The following ANKRD33B variants were observed in gnomAD, a reference collection of about 807,000 sequenced individuals.
The protein encoded by ANKRD33B is ankyrin repeat domain 33B, also known as ankyrin repeat domain-containing protein 33B.
ANKRD33B carries 6 observed loss-of-function variants against 21.5 expected under a neutral mutation model. That is an observed-to-expected ratio of 0.28 (90% CI 0.15 to 0.55). ANKRD33B has a LOEUF of 0.55. Ranked by LOEUF, ANKRD33B falls within the 20% of genes least tolerant of loss-of-function variation. The pLI is 0.94. For synonymous variants in ANKRD33B, 347 were observed against 342.4 expected, an observed-to-expected ratio of 1.01 and a Z score of -0.15; for missense variants, 698 against 747.2, an observed-to-expected ratio of 0.93 and a Z score of 0.77.
chr5:10,638,251 C>A, intron 3 of ANKRD33B, 83 bp downstream of exon 3: 1 of 1,455,724 alleles, frequency 6.9e-7, no homozygotes, highest in Non-Finnish European at 9.1e-7. Context: ...TGAGATTAAT[C>A]ACTCCCATAG....
intron 1 of ANKRD33B, among the ~76,000 whole-genome samples, chr5:10,580,038 A>G (rs913074204): frequency 5.3e-5 from 8 of 151,750 alleles, no homozygotes; most frequent in Non-Finnish European, 1.2e-4. Context: ...GCCTGTTTAC[A>G]TGATTTATGG....
intron 1 of ANKRD33B, among the ~76,000 whole-genome samples, chr5:10,575,228 T>C (rs1377931511): frequency 6.6e-6 from 1 of 151,688 alleles, no homozygotes; most frequent in Non-Finnish European, 1.5e-5. Context: ...ATCAAGACCG[T>C]CCTGGCCAAC....
At chr5:10,631,713 C>T (rs1463190295) in intron 2 of ANKRD33B, among the ~76,000 whole-genome samples, 1 of 152,204 alleles carries the variant, frequency 6.6e-6, no homozygotes, top group Non-Finnish European at 1.5e-5. Context: ...AATCGAGCTC[C>T]GTGCCTCTCC....
intron 1 of ANKRD33B, among the ~76,000 whole-genome samples, chr5:10,587,312 A>T (rs1735587579): frequency 6.6e-6 from 1 of 151,996 alleles, no homozygotes; most frequent in Non-Finnish European, 1.5e-5. Context: ...TGTTGGCCAG[A>T]CATGTCTTGA....
chr5:10,657,141 T>G lies in ANKRD33B; in HGVS notation c.*7028T>G, dbSNP rs1479981043. On this transcript the variant is annotated 3_prime_UTR_variant, in exon 4 of 4. Coordinates refer to ENST00000296657, the MANE Select transcript of ANKRD33B (RefSeq NM_001164440.2). ...ACTACACAGCTATGGATACACCTGA[T>G]GAAAACCGCAAAAGGCGATGACAGG... is the stretch of plus-strand genomic sequence containing the variant. 6.6e-6 allele frequency: 1 copy of G among 152,382 alleles called. No individual in the cohort carries two copies. Among genetic ancestry groups the G allele is most frequent in the African/African-American group, 2.4e-5 (1 of 41,464 alleles). 9.4% of individuals were successfully genotyped at this position (152,382 alleles called of 1,614,324 possible). A position where few individuals can be genotyped will look rare whatever the true frequency, so the allele number is the denominator to read the frequency against.
At chr5:10,616,214 T>C (rs1423925009) in intron 1 of ANKRD33B, among the ~76,000 whole-genome samples, 3 of 152,182 alleles carry the variant, frequency 2.0e-5, no homozygotes, top group Non-Finnish European at 4.4e-5. Context: ...AGGAGCCTTA[T>C]TGAGATAAGT....
chr5:10,638,272 T>A, intron 3 of ANKRD33B, 104 bp downstream of exon 3: 1 of 1,337,378 alleles, frequency 7.5e-7, no homozygotes, highest in Non-Finnish European at 1.0e-6. Context: ...AAACAATGCC[T>A]AGTTGCTGCA....
At chr5:10,641,243 T>A (rs918799062) in intron 3 of ANKRD33B, among the ~76,000 whole-genome samples, 38 of 142,092 alleles carry the variant, frequency 2.7e-4, no homozygotes, top group Non-Finnish European at 4.6e-4. Flanking sequence ...TTTTTTTTTT[T>A]TTTTTGAGAC....
intron 1 of ANKRD33B, among the ~76,000 whole-genome samples, chr5:10,591,196 T>TTTTTTTTTTTTTTTTTTTTTTTTTATTTG: frequency 1.7e-5 from 1 of 58,878 alleles, no homozygotes. Context: ...TTTTTAGTGG[T>TTTTTTTTTTTTTTTTTTTTTTTTTATTTG]TTTTTTTTTT....
Position 10,651,820 on chromosome 5 carries a change from T to A in ANKRD33B, c.*1707T>A, listed in dbSNP as rs1460899539. The A allele has an allele frequency of 6.6e-6, 1 of 152,386 alleles. No individual in the cohort carries two copies. Among genetic ancestry groups the A allele is most frequent in the African/African-American group, 2.4e-5 (1 of 41,430 alleles). The allele number at this position is 152,386 out of a possible 1,614,324, so 9.4% of individuals were successfully genotyped here. ...GGGATCTTAAACTGGCCTCTCCAAA[T>A]ACTCCATTGAACAGGACTGCAGGCT... On this transcript the variant is annotated 3_prime_UTR_variant, in exon 4 of 4. Coordinates refer to ENST00000296657, the MANE Select transcript of ANKRD33B (RefSeq NM_001164440.2).
At chr5:10,593,919 C>T (rs541372575) in intron 1 of ANKRD33B, among the ~76,000 whole-genome samples, 1 of 152,300 alleles carries the variant, frequency 6.6e-6, no homozygotes, top group Non-Finnish European at 1.5e-5. Flanking sequence ...GACCCAAGGC[C>T]TGTGCTGTCT....
intron 1 of ANKRD33B, among the ~76,000 whole-genome samples, chr5:10,602,932 C>T (rs571569696): frequency 5.3e-5 from 8 of 152,054 alleles, no homozygotes; most frequent in Non-Finnish European, 8.8e-5. Context: ...CCTGCCTCAG[C>T]CTCTAGAGTA....
chr5:10,624,668 T>C (rs1450567114), intron 2 of ANKRD33B: 1 of 446,768 alleles, frequency 2.2e-6, no homozygotes, highest in African/African-American at 2.0e-5. Flanking sequence ...CTTGTGTGTG[T>C]CTTAATTGCC....
intron 1 of ANKRD33B, among the ~76,000 whole-genome samples, chr5:10,599,256 A>G (rs1358472124): frequency 6.6e-6 from 1 of 151,858 alleles, no homozygotes; most frequent in Non-Finnish European, 1.5e-5. Flanking sequence ...TTTTCTTTCC[A>G]TAGTTAACAA....
intron 3 of ANKRD33B, among the ~76,000 whole-genome samples, chr5:10,644,389 C>T (rs372932518): frequency 6.6e-6 from 1 of 152,126 alleles, no homozygotes; most frequent in Non-Finnish European, 1.5e-5. Flanking sequence ...AGAAGCGTAT[C>T]GAGGATGTGA....
At chr5:10,598,804 A>G (rs1241148405) in intron 1 of ANKRD33B, among the ~76,000 whole-genome samples, 3 of 152,120 alleles carry the variant, frequency 2.0e-5, no homozygotes, top group Non-Finnish European at 4.4e-5. Flanking sequence ...CGTAATCCCA[A>G]CACTTTGGGA....
At chr5:10,590,611 T>C (rs73741399) in intron 1 of ANKRD33B, among the ~76,000 whole-genome samples, 26 of 122,188 alleles carry the variant, frequency 2.1e-4, no homozygotes, top group Admixed American at 5.1e-4. Flanking sequence ...CGCGCGCGTG[T>C]GTGTGTGTGT....
chr5:10,626,090 C>A (rs1260383622), intron 2 of ANKRD33B, among the ~76,000 whole-genome samples: 1 of 152,230 alleles, frequency 6.6e-6, no homozygotes, highest in Non-Finnish European at 1.5e-5. Context: ...GAGGCAGCCT[C>A]GGCCTAGAAC....
chr5:10,641,129 C>T (rs1737044717), intron 3 of ANKRD33B, among the ~76,000 whole-genome samples: 1 of 151,958 alleles, frequency 6.6e-6, no homozygotes, highest in Non-Finnish European at 1.5e-5. Flanking sequence ...GGCATCAGTG[C>T]TTCCATTAAT....
Sources: gnomAD v4.1 joint callset for allele counts (sites outside exome capture counted in the v4.1 genomes callset) on GRCh38, gnomAD v4.1.1 for gene constraint, MANE v1.5 for transcripts, NCBI Gene and HGNC (gene_info 2026-07-23, HGNC 2026-07-21) for gene names.